Variants in INTS9 observed in about 807,000 individuals in gnomAD.
INTS9 encodes integrator complex subunit 9, also known as protein related to CPSF subunits of 74 kDa.
INTS9 carries 55 observed loss-of-function variants against 79.7 expected under a neutral mutation model. The ratio of observed to expected loss-of-function variants is 0.69; its 90% CI spans 0.56 to 0.86. The LOEUF (loss-of-function observed/expected upper bound fraction) is 0.86, where lower values mean the gene tolerates loss of function less well. Ranked by LOEUF, INTS9 falls within the 40% of genes least tolerant of loss-of-function variation. The pLI is 0.00. For synonymous variants in INTS9, 319 were observed against 325.2 expected, an observed-to-expected ratio of 0.98 and a Z score of 0.20; for missense variants, 721 against 831.5, an observed-to-expected ratio of 0.87 and a Z score of 1.64.
At chr8:28,869,061 T>C (rs1364246352) in intron 1 of INTS9, among the ~76,000 whole-genome samples, 1 of 151,826 alleles carries the variant, frequency 6.6e-6, no homozygotes, top group African/African-American at 2.4e-5. Context: ...ACCATTGCAC[T>C]CCATCCTGGG....
At chr8:28,776,095 C>T (rs562632463) in intron 13 of INTS9, 169 bp from the exon 14 acceptor site, 28 of 493,334 alleles carry the variant, frequency 5.7e-5, no homozygotes, top group East Asian at 1.7e-4. Flanking sequence ...GGAGAGGGAA[C>T]GTGAAGGCAC....
intron 1 of INTS9, among the ~76,000 whole-genome samples, chr8:28,889,604 C>T (rs941767884): frequency 1.3e-5 from 2 of 152,124 alleles, no homozygotes; most frequent in Non-Finnish European, 2.9e-5. Context: ...CCACAGAGTT[C>T]ATGGGCGAAG....
intron 3 of INTS9, among the ~76,000 whole-genome samples, chr8:28,847,086 C>T (rs147515091): frequency 3.5e-4 from 53 of 152,280 alleles, no homozygotes; most frequent in Middle Eastern, 3.4e-3. Flanking sequence ...GTGCTGCTCC[C>T]ATAACCCACA....
rs555152496 is a variant in INTS9 at position 28,829,756 on chromosome 8, C to T, written c.488+5536G>A. Among the ~76,000 whole-genome samples the T allele has an allele frequency of 1.5e-3, 230 of 152,228 alleles. 1 individual carries two copies. The highest frequency in any genetic ancestry group is 5.2e-3 in the African/African-American group (214 of 41,534). On this transcript the variant is annotated intron_variant, in intron 6 of 16. Coordinates refer to ENST00000521022, the MANE Select transcript of INTS9 (RefSeq NM_018250.4). ...TAAGAGCTACTTTGCTCAGATCATACGGGATTTGATTCTAATGTAGAAGCC... is the reference window on the plus strand; with the variant it reads ...TAAGAGCTACTTTGCTCAGATCATATGGGATTTGATTCTAATGTAGAAGCC...
chr8:28,851,677 T>G (rs1024090582), intron 2 of INTS9, among the ~76,000 whole-genome samples: 1 of 151,524 alleles, frequency 6.6e-6, no homozygotes, highest in East Asian at 2.0e-4. Flanking sequence ...GACCTCATGA[T>G]CCACCCGCCT....
At chr8:28,863,611 A>G (rs6983046) in intron 1 of INTS9, among the ~76,000 whole-genome samples, 24,707 of 152,120 alleles carry the variant, frequency 0.16, 2,433 homozygotes, top group East Asian at 0.47. Flanking sequence ...CCTTGTCTCT[A>G]CTAAAGATAC....
At chr8:28,835,433 C>A in intron 5 of INTS9, 55 bp from the exon 6 acceptor site, 1 of 1,292,550 alleles carries the variant, frequency 7.7e-7, no homozygotes, top group South Asian at 1.2e-5. Context: ...GAGAAACACC[C>A]CATACTCTAA....
At chr8:28,776,138 A>C in intron 13 of INTS9, 2 of 448,644 alleles carry the variant, frequency 4.5e-6, no homozygotes, top group African/African-American at 2.0e-5. Flanking sequence ...AAACCCCTAA[A>C]CTGCCTCAGC....
chr8:28,783,380 G>A (rs1478643204), intron 11 of INTS9, among the ~76,000 whole-genome samples: 1 of 152,198 alleles, frequency 6.6e-6, no homozygotes, highest in Non-Finnish European at 1.5e-5. Flanking sequence ...GCATCCAGAG[G>A]CTAGACACCC....
chr8:28,794,843 C>G (rs529327687), intron 9 of INTS9, among the ~76,000 whole-genome samples: 1 of 152,236 alleles, frequency 6.6e-6, no homozygotes, highest in Non-Finnish European at 1.5e-5. Context: ...TCCCATTGGT[C>G]TTAAGGGAAT....
intron 1 of INTS9, among the ~76,000 whole-genome samples, chr8:28,880,263 TCTCC>T (rs1809639446): frequency 9.0e-6 from 1 of 111,256 alleles, no homozygotes; most frequent in South Asian, 3.3e-4. Context: ...TCCCTCTCCC[TCTCC>T]CTCTCCCTCT....
At chr8:28,846,360 T>C (rs1251384285) in intron 4 of INTS9, among the ~76,000 whole-genome samples, 1 of 47,966 alleles carries the variant, frequency 2.1e-5, no homozygotes, top group Non-Finnish European at 4.9e-5. Context: ...CAAGAATTTT[T>C]ACAGTTTACT....
At chr8:28,842,690 A>T (rs1563290797) in intron 4 of INTS9, among the ~76,000 whole-genome samples, 1 of 151,884 alleles carries the variant, frequency 6.6e-6, no homozygotes, top group Non-Finnish European at 1.5e-5. Context: ...TCACATCCAC[A>T]ATCTCTTTCC....
intron 2 of INTS9, among the ~76,000 whole-genome samples, chr8:28,856,772 T>A (rs1808189243): frequency 6.6e-6 from 1 of 152,200 alleles, no homozygotes; most frequent in African/African-American, 2.4e-5. Flanking sequence ...TGTTACCTGG[T>A]TATATTTCAT....
chr8:28,850,857 C>G (rs1472483594), intron 2 of INTS9, among the ~76,000 whole-genome samples: 3 of 152,154 alleles, frequency 2.0e-5, no homozygotes, highest in African/African-American at 7.2e-5. Flanking sequence ...CCAAGTGTTA[C>G]AAAATGACAC....
In INTS9 at chr8:28,820,098, C is replaced by G. The variant is rs1479839274; in HGVS notation, c.489-6486G>C. Among the ~76,000 whole-genome samples, 21 of 152,272 alleles carry G rather than the reference C, an allele frequency of 1.4e-4. No homozygotes were observed. In the South Asian group the frequency reaches 3.1e-3, roughly 23 times the overall value. On this transcript the variant is annotated intron_variant, in intron 6 of 16. Coordinates refer to ENST00000521022, the MANE Select transcript of INTS9 (RefSeq NM_018250.4). ...TACAGCACACTGATGGGTCTTGACT[C>G]TTTATCCAATTTGCCAGTCTGTGTC...
chr8:28,816,418 CT>C (rs752172062), intron 6 of INTS9, among the ~76,000 whole-genome samples: 1 of 150,212 alleles, frequency 6.7e-6, no homozygotes, highest in Non-Finnish European at 1.5e-5. Context: ...TTTTTTTGTT[CT>C]TGCGATAGTT....
chr8:28,835,072 T>C (rs1018651238), intron 6 of INTS9, among the ~76,000 whole-genome samples: 5 of 152,242 alleles, frequency 3.3e-5, no homozygotes, highest in African/African-American at 7.2e-5. Flanking sequence ...CAAGAGCCAA[T>C]TGTTCCTAAA....
chr8:28,879,411 T>C (rs571103322), intron 1 of INTS9, among the ~76,000 whole-genome samples: 4 of 152,270 alleles, frequency 2.6e-5, no homozygotes, highest in South Asian at 2.1e-4. Flanking sequence ...TAGAAGGGAA[T>C]ATCATCAGCC....
Sources: gnomAD v4.1 joint callset for allele counts (sites outside exome capture counted in the v4.1 genomes callset) on GRCh38, gnomAD v4.1.1 for gene constraint, MANE v1.5 for transcripts, NCBI Gene and HGNC (gene_info 2026-07-23, HGNC 2026-07-21) for gene names.